The following MBNL1 variants were observed in gnomAD, a reference collection of about 807,000 sequenced individuals.
The protein encoded by MBNL1 is muscleblind-like protein 1.
Under a neutral mutation model 42.2 loss-of-function variants are expected in MBNL1, and 8 were observed. The observed-to-expected ratio is 0.19, with a 90% confidence interval of 0.11 to 0.34. The LOEUF (loss-of-function observed/expected upper bound fraction) is 0.34, where lower values mean the gene tolerates loss of function less well. Ranked by LOEUF, MBNL1 falls within the 10% of genes least tolerant of loss-of-function variation. MBNL1 has a pLI of 1.00. For missense variants in MBNL1, 309 were observed against 495.3 expected (o/e 0.62, Z 3.57); for synonymous variants, 169 against 173.9 (o/e 0.97, Z 0.22).
chr3:152,302,120 A>G (rs2060951512), intron 2 of MBNL1: 1 of 152,156 alleles, frequency 6.6e-6, no homozygotes, highest in Non-Finnish European at 1.5e-5. Context: ...TTTTGAGTAA[A>G]GCAGCAAGGT....
At chr3:152,390,257 CTATTT>C (rs1035595621) in intron 2 of MBNL1, among the ~76,000 whole-genome samples, 1 of 148,868 alleles carries the variant, frequency 6.7e-6, no homozygotes, top group African/African-American at 2.5e-5. Context: ...AGGCTTTTCT[CTATTT>C]TTTTTTTTAT....
At chr3:152,399,364 A>G (rs2098120103) in intron 2 of MBNL1, among the ~76,000 whole-genome samples, 1 of 152,124 alleles carries the variant, frequency 6.6e-6, no homozygotes, top group African/African-American at 2.4e-5. Context: ...TTAGAAAACA[A>G]TGAATTAATT....
chr3:152,434,150 A>G (rs938778712), intron 4 of MBNL1, among the ~76,000 whole-genome samples: 1 of 152,150 alleles, frequency 6.6e-6, no homozygotes, highest in Non-Finnish European at 1.5e-5. Flanking sequence ...TTCATCACCC[A>G]GATAATAAGC....
chr3:152,275,282 C>T (rs2044294448), intron 1 of MBNL1, among the ~76,000 whole-genome samples: 2 of 152,148 alleles, frequency 1.3e-5, no homozygotes, highest in African/African-American at 4.8e-5. Context: ...ACTGACTAGG[C>T]TTGCAATTCA....
At chr3:152,355,122 T>C (rs1399125747) in intron 2 of MBNL1, among the ~76,000 whole-genome samples, 1 of 152,088 alleles carries the variant, frequency 6.6e-6, no homozygotes, top group Admixed American at 6.6e-5. Flanking sequence ...TAAAAGAAAG[T>C]ATGACAAAAA....
At chr3:152,298,964 A>C (rs1010078777) in intron 1 of MBNL1, 2 of 152,382 alleles carry the variant, frequency 1.3e-5, no homozygotes, top group African/African-American at 2.4e-5. Context: ...TTTTGAAACT[A>C]ACATGGTTTA....
chr3:152,249,542 C>A lies in MBNL1; in HGVS notation n.333+5102C>A, dbSNP rs1307675844. Among the ~76,000 whole-genome samples the A allele has an allele frequency of 2.3e-5, 3 of 129,004 alleles. No individual in the cohort carries two copies. In the Admixed American group the frequency reaches 2.4e-4, roughly 10 times the overall value. The allele number at this position is 129,004 out of a possible 152,430, so 84.6% of individuals were successfully genotyped here. On this transcript the variant is annotated intron_variant and non_coding_transcript_variant, in intron 2 of 2. Coordinates refer to the MBNL1 transcript ENST00000477171. ...AGCCCTTTGTCAGATGAGTAGGTTG[C>A]GAAAATTTTCTCCCATTTTGTAGGT...
intron 2 of MBNL1, among the ~76,000 whole-genome samples, chr3:152,261,276 A>G (rs960642511): frequency 1.3e-5 from 2 of 152,162 alleles, no homozygotes; most frequent in Non-Finnish European, 2.9e-5. Flanking sequence ...TCTCCTCATT[A>G]TGAGCATGGG....
chr3:152,426,208 G>T (rs2098929023), intron 3 of MBNL1, among the ~76,000 whole-genome samples: 1 of 151,180 alleles, frequency 6.6e-6, no homozygotes, highest in Non-Finnish European at 1.5e-5. Flanking sequence ...GGGTTGTGGG[G>T]CAAGGTGGGG....
intron 1 of MBNL1, among the ~76,000 whole-genome samples, chr3:152,294,517 C>T (rs2057691252): frequency 1.3e-5 from 2 of 152,016 alleles, no homozygotes; most frequent in Admixed American, 1.3e-4. Flanking sequence ...ATCTCCTGAC[C>T]TCGTGATCTG....
chr3:152,411,301 C>T (rs1020342922), intron 2 of MBNL1, among the ~76,000 whole-genome samples: 8 of 152,278 alleles, frequency 5.3e-5, no homozygotes, highest in African/African-American at 1.9e-4. Flanking sequence ...ATGGGTGGAT[C>T]ATGAGGTCAG....
intron 2 of MBNL1, among the ~76,000 whole-genome samples, chr3:152,364,250 T>C (rs1300118783): frequency 6.6e-6 from 1 of 152,078 alleles, no homozygotes; most frequent in Non-Finnish European, 1.5e-5. Flanking sequence ...ATCTTTTATG[T>C]TTAAAATTCC....
At chr3:152,378,255 G>C (rs1340235063) in intron 2 of MBNL1, among the ~76,000 whole-genome samples, 1 of 152,086 alleles carries the variant, frequency 6.6e-6, no homozygotes, top group Non-Finnish European at 1.5e-5. Flanking sequence ...GATCACTTGA[G>C]CCTAGGAATT....
chr3:152,456,574 T>C (rs572087649), intron 8 of MBNL1, among the ~76,000 whole-genome samples: 3 of 152,316 alleles, frequency 2.0e-5, no homozygotes, highest in South Asian at 4.1e-4. Flanking sequence ...TTTTATGCCA[T>C]TTATAAGTGC....
intron 3 of MBNL1, among the ~76,000 whole-genome samples, chr3:152,419,572 C>T (rs1204329240): frequency 1.3e-5 from 2 of 152,340 alleles, no homozygotes; most frequent in Non-Finnish European, 2.9e-5. Context: ...CCATGGTCTT[C>T]GCAAACCGCA....
chr3:152,314,317 AC>A (rs2069062792), intron 2 of MBNL1, among the ~76,000 whole-genome samples: 1 of 148,464 alleles, frequency 6.7e-6, no homozygotes, highest in Admixed American at 6.7e-5. Context: ...TTTCACTGTC[AC>A]TCAGAATCGA....
intron 1 of MBNL1, among the ~76,000 whole-genome samples, chr3:152,295,581 G>T (rs2058212424): frequency 1.3e-5 from 2 of 152,122 alleles, no homozygotes; most frequent in Non-Finnish European, 2.9e-5. Context: ...GAAGACACTG[G>T]ACCTACACCC....
At chr3:152,372,487 A>G (rs2096711016) in intron 2 of MBNL1, among the ~76,000 whole-genome samples, 1 of 151,972 alleles carries the variant, frequency 6.6e-6, no homozygotes, top group Non-Finnish European at 1.5e-5. Flanking sequence ...TTTTGTGTGG[A>G]CATCGTTTTT....
intron 3 of MBNL1, among the ~76,000 whole-genome samples, chr3:152,422,268 CAA>C (rs200584264): frequency 3.5e-4 from 36 of 102,966 alleles, no homozygotes; most frequent in East Asian, 1.6e-3. Context: ...AAATGGAAAG[CAA>C]AAAAAAAAAA....
Sources: gnomAD v4.1 joint callset for allele counts (sites outside exome capture counted in the v4.1 genomes callset) on GRCh38, gnomAD v4.1.1 for gene constraint, MANE v1.5 for transcripts, NCBI Gene and HGNC (gene_info 2026-07-23, HGNC 2026-07-21) for gene names.